Variants in ELP2 observed in about 807,000 individuals in gnomAD.
ELP2 encodes elongator complex protein 2.
ELP2 carries 90 observed loss-of-function variants against 119.2 expected under a neutral mutation model. That is an observed-to-expected ratio of 0.75 (90% confidence interval 0.64 to 0.90). The LOEUF (loss-of-function observed/expected upper bound fraction) is 0.90, where lower values mean the gene tolerates loss of function less well. Ranked by LOEUF, ELP2 falls within the 40% of genes least tolerant of loss-of-function variation. ELP2 has a pLI of 0.00. For missense variants in ELP2, 921 were observed against 967.8 expected (o/e 0.95, Z 0.64); for synonymous variants, 339 against 331.0 (o/e 1.02, Z -0.26).
intron 11 of ELP2, among the ~76,000 whole-genome samples, chr18:36,152,582 G>A (rs1430597511): frequency 6.6e-6 from 1 of 152,166 alleles, no homozygotes. Context: ...CCCCATCTGG[G>A]GTGTTACACT....
intron 19 of ELP2, among the ~76,000 whole-genome samples, chr18:36,169,214 C>T (rs984536498): frequency 7.9e-5 from 12 of 151,994 alleles, no homozygotes; most frequent in Non-Finnish European, 1.2e-4. Context: ...GTGTGAGCCA[C>T]CACGCTCAGC....
At chr18:36,166,966 A>G (rs1260510395) in intron 18 of ELP2, 135 bp from the exon 19 acceptor site, 1 of 896,894 alleles carries the variant, frequency 1.1e-6, no homozygotes, top group African/African-American at 1.7e-5. Flanking sequence ...GCCTGGCTTC[A>G]GTCTATTTCA....
chr18:36,167,466 A>G (rs563026320), intron 19 of ELP2, among the ~76,000 whole-genome samples: 1 of 152,184 alleles, frequency 6.6e-6, no homozygotes, highest in African/African-American at 2.4e-5. Flanking sequence ...ACCTTCATCA[A>G]ATGGTCCCAG....
chr18:36,144,983 G>C lies in ELP2; in HGVS notation c.841G>C (p.Gly281Arg). The C allele has an allele frequency of 6.2e-7, 1 of 1,613,890 alleles. No homozygotes were observed. The highest frequency in any genetic ancestry group is 1.3e-5 in the African/African-American group (1 of 75,004). The change falls in exon 9 of 22, where the codon GGT becomes CGT. Residue 281 changes from glycine (G) to arginine (R), a missense_variant. Transcript: ENST00000358232. ...TGTTACTCTGGAGACAGTGCTAGCC[G>C]GTCATGAAAACTGGGTAAATGCAGT... ...FAVTLETVLAGHENWVNAVHW... is the reference protein window; with the variant it reads ...FAVTLETVLARHENWVNAVHW...
At chr18:36,131,227 T>A (rs758702457) in intron 1 of ELP2, among the ~76,000 whole-genome samples, 11 of 152,236 alleles carry the variant, frequency 7.2e-5, no homozygotes, top group Non-Finnish European at 1.5e-4. Context: ...TATGAAATAT[T>A]TGTAACCACA....
chr18:36,169,951 T>C (rs190692590), intron 19 of ELP2, 112 bp from the exon 20 acceptor site: 10 of 1,431,880 alleles, frequency 7.0e-6, no homozygotes, highest in Non-Finnish European at 9.8e-6. Context: ...ATGATGCATT[T>C]TTTAAAATAC....
chr18:36,155,140 G>A, intron 12 of ELP2, 141 bp downstream of exon 12: 1 of 697,958 alleles, frequency 1.4e-6, no homozygotes. Flanking sequence ...AGCCTCCCGA[G>A]TAGCTGGGAT....
chr18:36,136,643 G>GT (rs2089837737), intron 3 of ELP2: 3 of 393,774 alleles, frequency 7.6e-6, no homozygotes, highest in South Asian at 6.4e-5. Context: ...TTTATTTTAA[G>GT]TTTTTTTCTT....
chr18:36,146,520 A>G, intron 11 of ELP2, 139 bp downstream of exon 11: 1 of 888,144 alleles, frequency 1.1e-6, no homozygotes. Context: ...TTCTGTAGAC[A>G]TTGTTAAGGT....
In ELP2 at chr18:36,170,097, A is replaced by T; in HGVS notation, c.2111A>T (p.Asp704Val). ...VVWGECDSTD[D>V]CIEHNIGPCS... ...TGGGGTGAGTGCGACTCCACTGATGACTGTATTGAGCACAACATTGGCCCC... is the reference window on the plus strand; with the variant it reads ...TGGGGTGAGTGCGACTCCACTGATGTCTGTATTGAGCACAACATTGGCCCC... The change falls in exon 20 of 22, where the codon GAC (aspartate) becomes GTC (valine). Residue 704 changes from aspartate to valine, a missense_variant. By Grantham distance (152) the Asp-to-Val change is radical. Coordinates refer to ENST00000358232, the MANE Select transcript of ELP2 (RefSeq NM_018255.4). 1 of 1,614,070 alleles carries T rather than the reference A, an allele frequency of 6.2e-7. No individual in the cohort carries two copies. The highest frequency in any genetic ancestry group is 8.5e-7 in the Non-Finnish European group (1 of 1,180,020).
At chr18:36,137,168 T>C (rs1424032238) in intron 3 of ELP2, 1 of 152,224 alleles carries the variant, frequency 6.6e-6, no homozygotes, top group Non-Finnish European at 1.5e-5. Context: ...TATCCAAGGA[T>C]TTTTTAAACC....
At chr18:36,147,538 C>G (rs2090246752) in intron 11 of ELP2, among the ~76,000 whole-genome samples, 1 of 152,196 alleles carries the variant, frequency 6.6e-6, no homozygotes, top group Middle Eastern at 3.4e-3. Flanking sequence ...CCTCAGCCTC[C>G]TGAGTGGCTG....
At position 36,179,979 on chromosome 18, in the gene ELP2, GAAAA is replaced by G. The variant is rs567797554; in HGVS notation, c.*5343_*5346del. 6.6e-6 allele frequency: 1 copy of G among 151,854 alleles called. No individual in the cohort carries two copies. The highest frequency in any genetic ancestry group is 1.9e-4 in the East Asian group (1 of 5,194). 9.4% of individuals were successfully genotyped at this position (151,854 alleles called of 1,614,324 possible). A position where few individuals can be genotyped will look rare whatever the true frequency, so the allele number is the denominator to read the frequency against. The stretch of plus-strand genomic sequence containing the variant: ...GTCTGGCTTCCATTCAACTGTGTGT[GAAAA>G]AAAATTGTAAAATTTTCTTTCTGGT... On this transcript the variant is annotated 3_prime_UTR_variant, in exon 22 of 22. Coordinates refer to ENST00000358232, the MANE Select transcript of ELP2 (RefSeq NM_018255.4).
chr18:36,131,654 TAA>T (rs1250827684), intron 1 of ELP2, among the ~76,000 whole-genome samples: 3 of 152,232 alleles, frequency 2.0e-5, no homozygotes. Flanking sequence ...AGCATCTTGG[TAA>T]AGTCTGCAAG....
chr18:36,136,053 T>G (rs1482935537), intron 2 of ELP2, among the ~76,000 whole-genome samples: 1 of 152,202 alleles, frequency 6.6e-6, no homozygotes, highest in Non-Finnish European at 1.5e-5. Flanking sequence ...GTTTTTGTCC[T>G]TAGGAGATAT....
chr18:36,132,241 A>G (rs968027126), intron 1 of ELP2, among the ~76,000 whole-genome samples: 3 of 152,202 alleles, frequency 2.0e-5, no homozygotes, highest in Admixed American at 6.5e-5. Flanking sequence ...GCTAAAATAA[A>G]GTTTTGGGAA....
At chr18:36,158,517 C>G (rs16967495) in intron 13 of ELP2, 21 of 248,196 alleles carry the variant, frequency 8.5e-5, no homozygotes, top group African/African-American at 4.5e-4. Flanking sequence ...CATTTCCTGT[C>G]AGACCCTGAA....
At chr18:36,167,760 A>T (rs979871927) in intron 19 of ELP2, among the ~76,000 whole-genome samples, 6 of 149,590 alleles carry the variant, frequency 4.0e-5, no homozygotes, top group Admixed American at 6.7e-5. Context: ...TGCAGCCTGG[A>T]CCTCCTGGGC....
In ELP2 at chr18:36,163,275, G is replaced by GGTGTGTGTGTGTGT. The variant is rs59728775; in HGVS notation, c.1762-1189_1762-1176dup. On this transcript the variant is annotated intron_variant, in intron 17 of 21. Transcript: ENST00000358232. ...TATGGCCGAGTAGTAGTTCATGGGG[G>GGTGTGTGTGTGTGT]GTGTGTGTGTGTGTGTGTGTGTGTA... Among the ~76,000 whole-genome samples, 308 of 145,482 alleles carry GGTGTGTGTGTGTGT rather than the reference G, an allele frequency of 2.1e-3. 2 individuals are homozygous for GGTGTGTGTGTGTGT. The highest frequency in any genetic ancestry group is 7.5e-3 in the African/African-American group (295 of 39,538).
Sources: gnomAD v4.1 joint callset for allele counts (sites outside exome capture counted in the v4.1 genomes callset) on GRCh38, gnomAD v4.1.1 for gene constraint, MANE v1.5 for transcripts, NCBI Gene and HGNC (gene_info 2026-07-23, HGNC 2026-07-21) for gene names.